PTGER3: variants seen among roughly 807,000 people sequenced by gnomAD.
The protein encoded by PTGER3 is prostaglandin E receptor 3, also known as prostaglandin E2 receptor EP3 subtype.
PTGER3 carries 22 observed loss-of-function variants against 34.7 expected under a neutral mutation model. The ratio of observed to expected loss-of-function variants is 0.63; its 90% CI spans 0.45 to 0.91. The LOEUF is 0.91. Ranked by LOEUF, PTGER3 falls within the 40% of genes least tolerant of loss-of-function variation. The pLI, the probability that PTGER3 is intolerant of heterozygous loss-of-function variation, is 0.00. For synonymous variants in PTGER3, 241 were observed against 230.1 expected, an observed-to-expected ratio of 1.05 and a Z score of -0.43; for missense variants, 468 against 519.4, an observed-to-expected ratio of 0.90 and a Z score of 0.96.
At chr1:70,942,210 A>G (rs550197659) in intron 4 of PTGER3, among the ~76,000 whole-genome samples, 90 of 152,152 alleles carry the variant, frequency 5.9e-4, no homozygotes, top group Non-Finnish European at 1.2e-3. Context: ...AGGCATGATC[A>G]CACAGATGAG....
chr1:70,996,639 T>TTTTATTTATTTATTTA (rs763272005), intron 2 of PTGER3, among the ~76,000 whole-genome samples: 18,095 of 122,416 alleles, frequency 0.15, 1,497 homozygotes, highest in Middle Eastern at 0.16. Context: ...TTTTTTGTAT[T>TTTTATTTATTTATTTA]TTTATTTATT....
intron 1 of PTGER3, among the ~76,000 whole-genome samples, chr1:71,022,520 T>G (rs750431060): frequency 2.6e-5 from 4 of 151,888 alleles, no homozygotes; most frequent in Non-Finnish European, 5.9e-5. Context: ...CTTATTAAAC[T>G]TTGCAGTATG....
rs1207266335 is a variant in PTGER3 at position 71,046,662 on chromosome 1, C to A, written c.897+19G>T. ...CTCGCACACGCATCCTGACTTCCCC[C>A]AACCCTGGAACTACCTACCAGGAGC... On this transcript the variant is annotated intron_variant, in intron 1 of 3. Transcript: ENST00000306666. 2.6e-6 allele frequency: 4 copies of A among 1,525,816 alleles called. No individual in the cohort carries two copies. The East Asian group carries it at 6.8e-5, about 26-fold the overall frequency. The allele number at this position is 1,525,816 out of a possible 1,614,324, so 94.5% of individuals were successfully genotyped here.
At chr1:71,012,116 A>G (rs1572927251) in intron 2 of PTGER3, 189 bp downstream of exon 2, 3 of 1,508,306 alleles carry the variant, frequency 2.0e-6, no homozygotes, top group East Asian at 4.5e-5. Context: ...TTCCACTTCA[A>G]TGCATAAACA....
intron 3 of PTGER3, chr1:70,953,690 C>A: frequency 6.5e-7 from 1 of 1,528,290 alleles, no homozygotes; most frequent in Non-Finnish European, 8.8e-7. Context: ...ATATGACAAA[C>A]AGTACAGTTG....
chr1:70,991,912 T>G (rs143237684), intron 2 of PTGER3, among the ~76,000 whole-genome samples: 2 of 152,186 alleles, frequency 1.3e-5, no homozygotes, highest in Admixed American at 6.5e-5. Flanking sequence ...ATAGGTCTTA[T>G]GGTGGATCCT....
intron 2 of PTGER3, among the ~76,000 whole-genome samples, chr1:70,962,133 C>T (rs1021354811): frequency 6.6e-6 from 1 of 152,182 alleles, no homozygotes; most frequent in African/African-American, 2.4e-5. Context: ...GATTATACAA[C>T]TGCCTAGTAT....
rs1649703557 is a variant in PTGER3 at position 70,940,955 on chromosome 1, A to G, written c.*23+12808T>C. 3.3e-5 allele frequency among the ~76,000 whole-genome samples: 5 copies of G among 152,216 alleles called. 1 individual carries two copies. The South Asian group carries it at 1.0e-3, about 31-fold the overall frequency. ...TATCTTGAGCCTATCCTACAAAATG[A>G]GCAGGTTAACAAAAATGTAAAGATA... On this transcript the variant is annotated intron_variant, in intron 4 of 4. Coordinates refer to the PTGER3 transcript ENST00000370931.
chr1:71,000,278 C>A (rs781526713), intron 2 of PTGER3, among the ~76,000 whole-genome samples: 6 of 152,180 alleles, frequency 3.9e-5, no homozygotes, highest in Non-Finnish European at 8.8e-5. Flanking sequence ...GGTCAAGTGA[C>A]TTTTCTTCCA....
chr1:70,944,055 T>A (rs1226928527), intron 4 of PTGER3, among the ~76,000 whole-genome samples: 2 of 152,114 alleles, frequency 1.3e-5, no homozygotes, highest in Non-Finnish European at 2.9e-5. Context: ...GATAGTATAG[T>A]TGACATATGT....
chr1:71,037,144 C>CT (rs1240930044), intron 1 of PTGER3, among the ~76,000 whole-genome samples: 1 of 152,202 alleles, frequency 6.6e-6, no homozygotes, highest in Non-Finnish European at 1.5e-5. Context: ...CAGCCGTGTC[C>CT]TGCCCACATG....
intron 2 of PTGER3, chr1:71,010,553 G>A: frequency 1.0e-6 from 1 of 984,428 alleles, no homozygotes; most frequent in Non-Finnish European, 1.2e-6. Context: ...AGAACTTAGG[G>A]TCACAGGACC....
chr1:70,923,585 A>G (rs1647765143), intron 4 of PTGER3, among the ~76,000 whole-genome samples: 1 of 152,226 alleles, frequency 6.6e-6, no homozygotes, highest in South Asian at 2.1e-4. Flanking sequence ...GTTCATGAAT[A>G]TTAAACAGAA....
intron 4 of PTGER3, among the ~76,000 whole-genome samples, chr1:70,867,647 C>A (rs1557615136): frequency 6.6e-6 from 1 of 152,046 alleles, no homozygotes; most frequent in Non-Finnish European, 1.5e-5. Context: ...ATTGCTTGAA[C>A]CTGGGAGGCA....
At chr1:70,949,690 A>G (rs1650562714), downstream of PTGER3, among the ~76,000 whole-genome samples, 1 of 152,180 alleles carries the variant, frequency 6.6e-6, no homozygotes, top group African/African-American at 2.4e-5. Flanking sequence ...CTAGTTTTCT[A>G]GATACTGACG....
At chr1:70,858,873 A>C (rs534093622) in intron 4 of PTGER3, among the ~76,000 whole-genome samples, 25 of 152,206 alleles carry the variant, frequency 1.6e-4, no homozygotes, top group Non-Finnish European at 3.5e-4. Context: ...TTTATTGCAA[A>C]ATGCTATAGA....
At chr1:70,931,357 A>T (rs1572683279) in intron 4 of PTGER3, among the ~76,000 whole-genome samples, 1 of 152,076 alleles carries the variant, frequency 6.6e-6, no homozygotes, top group Non-Finnish European at 1.5e-5. Flanking sequence ...TGGCTTTACC[A>T]TTCTGGGGTC....
chr1:70,974,242 A>G, intron 3 of PTGER3, 55 bp downstream of exon 3: 1 of 1,601,942 alleles, frequency 6.2e-7, no homozygotes, highest in East Asian at 2.2e-5. Context: ...CTCCGATTAG[A>G]ACAGAGAGAC....
chr1:71,038,715 T>C (rs1273760592), intron 1 of PTGER3, among the ~76,000 whole-genome samples: 1 of 152,188 alleles, frequency 6.6e-6, no homozygotes, highest in African/African-American at 2.4e-5. Flanking sequence ...CCACAAATAA[T>C]ATTAATGTGT....
Sources: allele counts gnomAD v4.1 joint callset (sites outside exome capture counted in the v4.1 genomes callset), GRCh38; gene constraint gnomAD v4.1.1; transcripts MANE v1.5; gene names NCBI Gene and HGNC (gene_info 2026-07-23, HGNC 2026-07-21).